The following CHRM3 variants were observed in gnomAD, a reference collection of about 807,000 sequenced individuals.
The protein encoded by CHRM3 is muscarinic acetylcholine receptor M3.
CHRM3 carries 11 observed loss-of-function variants against 41.8 expected under a neutral mutation model. That is an observed-to-expected ratio of 0.26 (90% CI 0.17 to 0.44). CHRM3 has a LOEUF of 0.44. Ranked by LOEUF, CHRM3 falls within the 20% of genes least tolerant of loss-of-function variation. The pLI, the probability that CHRM3 is intolerant of heterozygous loss-of-function variation, is 1.00. For synonymous variants in CHRM3, 297 were observed against 301.4 expected (o/e 0.99, Z 0.15); for missense variants, 571 against 745.4 (o/e 0.77, Z 2.72).
Position 239,451,717 on chromosome 1 carries a change from G to C in CHRM3, c.-520-40992G>C, listed in dbSNP as rs182874732. Among the ~76,000 whole-genome samples the C allele has an allele frequency of 6.6e-3, 1,008 of 152,184 alleles. 14 individuals carry two copies. Among genetic ancestry groups the C allele is most frequent in the African/African-American group, 0.023 (939 of 41,516 alleles). On this transcript the variant is annotated intron_variant, in intron 1 of 6. Coordinates refer to ENST00000676153, the MANE Select transcript of CHRM3 (RefSeq NM_001375978.1). ...CCAGTAGGGAAACACCCAGCAAAAG[G>C]ATGGGAAGAAATTTATAAACACATT... is the stretch of plus-strand genomic sequence containing the variant.
At chr1:239,623,313 C>A (rs1236765771) in intron 3 of CHRM3, among the ~76,000 whole-genome samples, 1 of 142,964 alleles carries the variant, frequency 7.0e-6, no homozygotes, top group Non-Finnish European at 1.5e-5. Flanking sequence ...CTTCCTGTGT[C>A]CAAGTGTTCT....
intron 5 of CHRM3, among the ~76,000 whole-genome samples, chr1:239,793,819 T>TTTTTTTTTTG (rs1669540419): frequency 7.1e-6 from 1 of 141,658 alleles, no homozygotes; most frequent in Non-Finnish European, 1.5e-5. Flanking sequence ...TTTTTTTTTT[T>TTTTTTTTTTG]TTTTTTTTTG....
chr1:239,631,577 G>A (rs776614982), intron 3 of CHRM3, among the ~76,000 whole-genome samples: 2 of 152,134 alleles, frequency 1.3e-5, no homozygotes, highest in Non-Finnish European at 2.9e-5. Flanking sequence ...CTTCTGCAAA[G>A]CCTGGCACTT....
At chr1:239,517,898 G>C (rs990668665) in intron 2 of CHRM3, among the ~76,000 whole-genome samples, 3 of 152,158 alleles carry the variant, frequency 2.0e-5, no homozygotes, top group African/African-American at 7.2e-5. Flanking sequence ...ATGAGGTCAG[G>C]AGTTTGAGAC....
At position 239,589,638 on chromosome 1, in the gene CHRM3, CTATATATATATATATATA is replaced by C. The variant is rs10592228; in HGVS notation, c.-312-42571_-312-42554del. On this transcript the variant is annotated intron_variant, in intron 3 of 6. Coordinates refer to ENST00000676153, the MANE Select transcript of CHRM3 (RefSeq NM_001375978.1). ...AATTTCCATGCATATATATAAAAAA[CTATATATATATATATATA>C]TATATATATATATAGTTTTATGTAA... 4.1e-4 allele frequency among the ~76,000 whole-genome samples: 51 copies of C among 124,912 alleles called. No homozygotes were observed. In the Middle Eastern group the frequency reaches 0.022, roughly 53 times the overall value. The allele number at this position is 124,912 out of a possible 152,430, so 81.9% of individuals were successfully genotyped here.
rs1197188190 is a variant in CHRM3 at position 239,913,609 on chromosome 1, C to T, written c.*4385C>T. ...CTGAGAAAGGTTTCTAGAATGGTAACCCAATGTTCTTTAGAACTGGAGAAT... is the reference window on the plus strand; with the variant it reads ...CTGAGAAAGGTTTCTAGAATGGTAATCCAATGTTCTTTAGAACTGGAGAAT... On this transcript the variant is annotated 3_prime_UTR_variant, in exon 7 of 7. Coordinates refer to ENST00000676153, the MANE Select transcript of CHRM3 (RefSeq NM_001375978.1). 6.0e-6 allele frequency: 1 copy of T among 167,016 alleles called. No homozygotes were observed. The allele number at this position is 167,016 out of a possible 1,614,324, so 10.3% of individuals were successfully genotyped here.
intron 6 of CHRM3, among the ~76,000 whole-genome samples, chr1:239,844,847 A>C (rs1360410100): frequency 1.3e-5 from 2 of 152,174 alleles, no homozygotes; most frequent in Non-Finnish European, 2.9e-5. Flanking sequence ...CTCCCAACCC[A>C]AACACTGATA....
At chr1:239,581,632 G>A (rs1168624969) in intron 3 of CHRM3, among the ~76,000 whole-genome samples, 1 of 152,048 alleles carries the variant, frequency 6.6e-6, no homozygotes, top group Non-Finnish European at 1.5e-5. Flanking sequence ...GTTTAGAATG[G>A]TTTATTGGCA....
At chr1:239,590,948 A>C (rs1664065557) in intron 3 of CHRM3, among the ~76,000 whole-genome samples, 2 of 152,204 alleles carry the variant, frequency 1.3e-5, no homozygotes, top group African/African-American at 4.8e-5. Context: ...TGGCTGTTAA[A>C]AACCTAACAC....
At chr1:239,757,587 G>A (rs893866582) in intron 5 of CHRM3, among the ~76,000 whole-genome samples, 8 of 150,150 alleles carry the variant, frequency 5.3e-5, no homozygotes, top group Admixed American at 1.3e-4. Flanking sequence ...CCGAGATCGC[G>A]CCACTGCACG....
intron 5 of CHRM3, among the ~76,000 whole-genome samples, chr1:239,809,145 G>A (rs933282316): frequency 3.7e-4 from 56 of 149,904 alleles, no homozygotes; most frequent in Admixed American, 1.5e-3. Context: ...TCAGCCTCCC[G>A]AGTAGCTGGG....
chr1:239,660,729 A>T (rs936296513), intron 4 of CHRM3, among the ~76,000 whole-genome samples: 2 of 152,164 alleles, frequency 1.3e-5, no homozygotes, highest in Non-Finnish European at 2.9e-5. Context: ...CTAAAAATAC[A>T]AAACAATTAC....
At chr1:239,814,216 C>A (rs2149001805) in intron 5 of CHRM3, among the ~76,000 whole-genome samples, 1 of 152,180 alleles carries the variant, frequency 6.6e-6, no homozygotes, top group African/African-American at 2.4e-5. Flanking sequence ...TTCTCCCTCT[C>A]TTTGTTTCTC....
At chr1:239,884,698 T>G (rs1677922137) in intron 6 of CHRM3, among the ~76,000 whole-genome samples, 1 of 152,204 alleles carries the variant, frequency 6.6e-6, no homozygotes, top group African/African-American at 2.4e-5. Context: ...TTTTTATCTT[T>G]TAGTTATTCT....
intron 6 of CHRM3, among the ~76,000 whole-genome samples, chr1:239,883,588 C>G (rs1031140773): frequency 1.3e-5 from 2 of 152,168 alleles, no homozygotes; most frequent in Non-Finnish European, 2.9e-5. Context: ...TCTTATTACT[C>G]TGTGTTTTAT....
chr1:239,722,253 A>G (rs182895371), intron 5 of CHRM3, among the ~76,000 whole-genome samples: 30 of 152,020 alleles, frequency 2.0e-4, no homozygotes, highest in African/African-American at 4.8e-4. Context: ...TGTGAAATGC[A>G]TCTTTGTTTC....
In CHRM3 at chr1:239,906,058, T is replaced by A. The variant is rs909369511; in HGVS notation, c.-19-1375T>A. Among the ~76,000 whole-genome samples, 5 of 152,324 alleles carry A rather than the reference T, an allele frequency of 3.3e-5. No homozygotes were observed. The East Asian group carries it at 9.6e-4, about 29-fold the overall frequency. On this transcript the variant is annotated intron_variant, in intron 6 of 6. Coordinates refer to ENST00000676153, the MANE Select transcript of CHRM3 (RefSeq NM_001375978.1). ...CATTCCCATTTTTCAATGAGAAAAC[T>A]TGGACTCAAAGAAGTTAAATATCTA...
At chr1:239,421,550 C>T (rs1359583529) in intron 1 of CHRM3, among the ~76,000 whole-genome samples, 2 of 152,114 alleles carry the variant, frequency 1.3e-5, no homozygotes, top group Admixed American at 6.6e-5. Flanking sequence ...GTTTTTAAAA[C>T]TATATTTATG....
chr1:239,639,998 C>T (rs1043610436), intron 4 of CHRM3, among the ~76,000 whole-genome samples: 7 of 151,930 alleles, frequency 4.6e-5, no homozygotes, highest in African/African-American at 1.7e-4. Flanking sequence ...TGTCAAAGGC[C>T]TTTTCTGCAT....
Sources: allele counts gnomAD v4.1 joint callset (sites outside exome capture counted in the v4.1 genomes callset), GRCh38; gene constraint gnomAD v4.1.1; transcripts MANE v1.5; gene names NCBI Gene and HGNC (gene_info 2026-07-23, HGNC 2026-07-21).